The following TSGA10 variants were observed in gnomAD, a reference collection of about 807,000 sequenced individuals.
The protein encoded by TSGA10 is testis-specific gene 10 protein.
Under a neutral mutation model 96.6 loss-of-function variants are expected in TSGA10, and 43 were observed. The ratio of observed to expected loss-of-function variants is 0.44; its 90% CI spans 0.35 to 0.57. The LOEUF is 0.57. TSGA10 is among the 20% of genes least tolerant of loss of function. The probability of loss-of-function intolerance (pLI) is 0.01; values close to 1 mark genes in which losing one functional copy is unlikely to be tolerated. For missense variants in TSGA10, 703 were observed against 834.4 expected (o/e 0.84, Z 1.94); for synonymous variants, 229 against 269.9 (o/e 0.85, Z 1.48).
chr2:99,106,148 G>A (rs2091312565), intron 7 of TSGA10, among the ~76,000 whole-genome samples: 1 of 152,114 alleles, frequency 6.6e-6, no homozygotes, highest in Non-Finnish European at 1.5e-5. Context: ...AATCCTTACT[G>A]ATAACCCAAC....
intron 10 of TSGA10, among the ~76,000 whole-genome samples, chr2:99,096,705 A>T (rs1049847194): frequency 2.6e-5 from 4 of 152,314 alleles, no homozygotes; most frequent in Admixed American, 2.6e-4. Context: ...ATCACTGGGA[A>T]ACGAGGAGGC....
Position 99,144,627 on chromosome 2 carries a change from G to T in TSGA10, c.-621+10066C>A, listed in dbSNP as rs920988547. Among the ~76,000 whole-genome samples the T allele has an allele frequency of 7.1e-4, 53 of 74,374 alleles. No homozygotes were observed. In the Admixed American group the frequency reaches 8.3e-3, roughly 12 times the overall value. 48.8% of individuals were successfully genotyped at this position (74,374 alleles called of 152,430 possible). ...TCGTGCCATCGCCCTCCAGCCTGGG[G>T]GACAAGAACAAAACTCTGTCTCAAA... On this transcript the variant is annotated intron_variant, in intron 1 of 20. Coordinates refer to ENST00000393483, the MANE Select transcript of TSGA10 (RefSeq NM_025244.4).
At chr2:99,146,221 T>C (rs78787236) in intron 1 of TSGA10, among the ~76,000 whole-genome samples, 6,753 of 150,576 alleles carry the variant, frequency 0.045, 316 homozygotes, top group East Asian at 0.21. Flanking sequence ...AAGGCGGAGG[T>C]TGCAATTTCT....
intron 20 of TSGA10, among the ~76,000 whole-genome samples, chr2:99,016,739 G>A (rs1232998726): frequency 2.6e-5 from 4 of 152,042 alleles, no homozygotes; most frequent in South Asian, 4.1e-4. Flanking sequence ...CTTCCCAAAC[G>A]TGCATCCAGC....
intron 17 of TSGA10, among the ~76,000 whole-genome samples, chr2:99,031,284 G>A (rs1201519837): frequency 1.3e-5 from 1 of 79,840 alleles, no homozygotes; most frequent in African/African-American, 5.0e-5. Context: ...ATACTCATAG[G>A]CCAAAAAAAA....
intron 16 of TSGA10, among the ~76,000 whole-genome samples, chr2:99,058,114 G>A (rs2084211507): frequency 6.6e-6 from 1 of 152,164 alleles, no homozygotes; most frequent in African/African-American, 2.4e-5. Context: ...AACTAAAAAT[G>A]CATCAAAGAC....
intron 18 of TSGA10, among the ~76,000 whole-genome samples, chr2:99,019,757 C>G (rs1432490089): frequency 6.6e-6 from 1 of 152,118 alleles, no homozygotes; most frequent in African/African-American, 2.4e-5. Context: ...ACCCAATTCT[C>G]CAGCCAAATG....
chr2:99,100,336 A>C (rs1202822294), intron 10 of TSGA10, among the ~76,000 whole-genome samples: 2 of 152,222 alleles, frequency 1.3e-5, no homozygotes, highest in African/African-American at 4.8e-5. Context: ...ACCATGTAAA[A>C]GACAAATGGA....
intron 1 of TSGA10, among the ~76,000 whole-genome samples, chr2:99,144,778 C>G (rs906450927): frequency 2.0e-5 from 3 of 151,058 alleles, no homozygotes; most frequent in South Asian, 2.1e-4. Flanking sequence ...TAACTATCCT[C>G]AAGGGATGTG....
At chr2:99,044,646 T>C (rs1042708083) in intron 16 of TSGA10, among the ~76,000 whole-genome samples, 5 of 152,042 alleles carry the variant, frequency 3.3e-5, no homozygotes, top group Non-Finnish European at 7.4e-5. Flanking sequence ...TTAACAAAGG[T>C]ATTCAGGACT....
chr2:99,018,605 T>C lies in TSGA10; in HGVS notation c.1853A>G (p.Asn618Ser). The C allele has an allele frequency of 6.2e-7, 1 of 1,614,050 alleles. No homozygotes were observed. The highest frequency in any genetic ancestry group is 2.2e-5 in the East Asian group (1 of 44,868). ...ATCAGCTTCCAATTGTGTGACAACA[T>C]TTCTGAACTGGGCCACATCTCTACT... ...IQSRDVAQFR[N>S]VVTQLEADLD... Residue 618 changes from asparagine (N) to serine (S), a missense_variant, in exon 19 of 21, where the codon AAT (asparagine) becomes AGT (serine). Asn to Ser is a conservative substitution (Grantham distance 46, BLOSUM62 1). This residue lies in a region of TSGA10 where 49 missense variants were observed against 96.4 expected (regional missense o/e 0.51). Transcript: ENST00000393483.
chr2:99,015,678 G>A (rs149389103), intron 20 of TSGA10, among the ~76,000 whole-genome samples: 1 of 152,038 alleles, frequency 6.6e-6, no homozygotes, highest in Non-Finnish European at 1.5e-5. Flanking sequence ...CAAATAAAGG[G>A]CACCTAAATC....
chr2:99,005,234 G>T (rs1198211888), intron 20 of TSGA10, among the ~76,000 whole-genome samples: 1 of 152,172 alleles, frequency 6.6e-6, no homozygotes, highest in Admixed American at 6.5e-5. Context: ...ACTGGCACAA[G>T]ACAGGGATGC....
At chr2:99,091,969 C>G (rs753871779) in intron 10 of TSGA10, among the ~76,000 whole-genome samples, 1 of 152,048 alleles carries the variant, frequency 6.6e-6, no homozygotes, top group African/African-American at 2.4e-5. Context: ...ACCCAACAAC[C>G]ACAGAATATA....
intron 2 of TSGA10, chr2:99,124,726 A>C (rs1468948549): frequency 6.6e-6 from 1 of 152,160 alleles, no homozygotes; most frequent in African/African-American, 2.4e-5. Flanking sequence ...CTGGGACTAC[A>C]GGCACCCACC....
In TSGA10 at chr2:98,998,164, C is replaced by CT. The variant is rs1200953662; in HGVS notation, c.*32dup. The CT allele has an allele frequency of 6.3e-7, 1 of 1,581,796 alleles. No individual in the cohort carries two copies. The highest frequency in any genetic ancestry group is 1.4e-5 in the African/African-American group (1 of 72,918). On this transcript the variant is annotated 3_prime_UTR_variant, in exon 21 of 21. Transcript: ENST00000393483. ...AAAAAAATCAGTTTGTAACTTTGACCTTTCTCAGGGATGTGAAGAATCATT... is the reference window on the plus strand; with the variant it reads ...AAAAAAATCAGTTTGTAACTTTGACCTTTTCTCAGGGATGTGAAGAATCATT...
At chr2:99,081,511 T>A in intron 10 of TSGA10, 114 bp from the exon 11 acceptor site, 2 of 422,458 alleles carry the variant, frequency 4.7e-6, no homozygotes, top group Non-Finnish European at 8.5e-6. Flanking sequence ...CTCTTAATAT[T>A]TTTATACAGT....
At chr2:99,101,133 C>T (rs1452753614) in intron 10 of TSGA10, among the ~76,000 whole-genome samples, 1 of 142,492 alleles carries the variant, frequency 7.0e-6, no homozygotes, top group Non-Finnish European at 1.5e-5. Flanking sequence ...GGCGTGGTGG[C>T]GGGCACCTGC....
rs1157503632 is a variant in TSGA10, at chr2:99,018,363, G to A, written c.1923-14C>T. 1.2e-6 allele frequency: 2 copies of A among 1,609,912 alleles called. No individual in the cohort carries two copies. Among genetic ancestry groups the A allele is most frequent in the East Asian group, 2.2e-5 (1 of 44,808 alleles). ...ACGGCCCTCTCCCTAAAGCAAAATA[G>A]TGATGCTTTAAATTTTATATCCAGC... On this transcript the variant is annotated splice_polypyrimidine_tract_variant and intron_variant, in intron 19 of 20. Coordinates refer to ENST00000393483, the MANE Select transcript of TSGA10 (RefSeq NM_025244.4).
Sources: allele counts gnomAD v4.1 joint callset (sites outside exome capture counted in the v4.1 genomes callset), GRCh38; gene constraint gnomAD v4.1.1; regional missense constraint gnomAD v4.1.1; transcripts MANE v1.5; gene names NCBI Gene and HGNC (gene_info 2026-07-23, HGNC 2026-07-21).